The following CFAP43 variants were observed in gnomAD, a reference collection of about 807,000 sequenced individuals.
CFAP43 encodes the protein cilia and flagella associated protein 43, also known as cilia- and flagella-associated protein 43.
A neutral mutation model predicts 218.9 loss-of-function variants in CFAP43; 155 were observed. That is an observed-to-expected ratio of 0.71 (90% CI 0.62 to 0.81). The LOEUF is 0.81. CFAP43 is among the 30% of genes least tolerant of loss of function. CFAP43 has a pLI of 0.00. For missense variants in CFAP43, 1,778 were observed against 1,954.3 expected, an observed-to-expected ratio of 0.91 and a Z score of 1.70; for synonymous variants, 645 against 681.3, an observed-to-expected ratio of 0.95 and a Z score of 0.83.
intron 6 of CFAP43, among the ~76,000 whole-genome samples, chr10:104,206,798 C>T (rs2090704416): frequency 2.0e-5 from 3 of 152,176 alleles, no homozygotes; most frequent in South Asian, 4.1e-4. Flanking sequence ...GTGGCCCAGG[C>T]CCAACCATGG....
chr10:104,185,023 T>A lies in CFAP43; in HGVS notation c.2134A>T (p.Lys712Ter). The change falls in exon 16 of 38, where the codon AAG becomes TAG. Residue 712 changes from lysine (K) to a stop codon, truncating the protein, a stop_gained. Transcript: ENST00000357060. LOFTEE classifies it high-confidence loss of function. ...GRDDGTLVYL[K>*]WKRFGGHLAS... is the part of the protein sequence containing the mutation. ...ACTGAATACTGTACGTACTTCCACT[T>A]TAGGTAGACAAGGGTGCCATCATCT... 1.2e-6 allele frequency: 2 copies of A among 1,614,062 alleles called. No individual in the cohort carries two copies. The highest frequency in any genetic ancestry group is 1.7e-6 in the Non-Finnish European group (2 of 1,179,976).
At chr10:104,130,558 A>G (rs2087133060) in intron 37 of CFAP43, among the ~76,000 whole-genome samples, 1 of 152,228 alleles carries the variant, frequency 6.6e-6, no homozygotes, top group South Asian at 2.1e-4. Context: ...AAAGAATGAA[A>G]TAATGTCCTT....
chr10:104,143,491 A>C lies in CFAP43; in HGVS notation c.4093T>G (p.Leu1365Val). 1.2e-6 allele frequency: 2 copies of C among 1,614,200 alleles called. No homozygotes were observed. The highest frequency in any genetic ancestry group is 1.7e-6 in the Non-Finnish European group (2 of 1,180,030). The change falls in exon 32 of 38, where the codon TTG (leucine) becomes GTG (valine). Residue 1365 changes from leucine (L) to valine (V), a missense_variant. Transcript: ENST00000357060. ...LDNISNMPEG[L>V]DPLVWNHFCM... ...AAATGATTCCAGACCAAAGGGTCCA[A>C]GCCTTCTGGCATGTTACTAATATTG...
In CFAP43 at chr10:104,168,839, C is replaced by G. The variant is rs757972867; in HGVS notation, c.2596G>C (p.Asp866His). ...TTGGCTAAGTTATGCATCTCTACAT[C>G]CTTTATCATCTTGAAGAACACAGAC... Reference protein sequence around the residue: ...SQEEVAKMIKDVEMHNLAKSY... With the variant: ...SQEEVAKMIKHVEMHNLAKSY... Residue 866 changes from aspartate (D) to histidine (H), a missense_variant, in exon 21 of 38, where the codon GAT becomes CAT. Asp to His is a moderately conservative substitution (Grantham distance 81). Around this residue, in one of 3 missense-constraint regions of CFAP43, gnomAD observed 1,553 missense variants for 1,685.2 expected, o/e 0.92. Transcript: ENST00000357060. The G allele has an allele frequency of 9.9e-6, 16 of 1,610,934 alleles. No individual in the cohort carries two copies. Among genetic ancestry groups the G allele is most frequent in the South Asian group, 3.3e-5 (3 of 91,020 alleles).
chr10:104,133,740 A>T lies in CFAP43; in HGVS notation c.4476T>A (p.Asp1492Glu). ...KKVASMMESK[D>E]VHKRILQIEW... ...CAATCTGAAGTATTCTTTTGTGTAC[A>T]TCTTTACTTTCCATCATGCTAGCAA... The change falls in exon 35 of 38, where the codon GAT becomes GAA. Residue 1492 changes from aspartate to glutamate, a missense_variant. By Grantham distance (45) the Asp-to-Glu change is conservative. Transcript: ENST00000357060. 2 of 1,612,574 alleles carry T rather than the reference A, an allele frequency of 1.2e-6. No homozygotes were observed. The highest frequency in any genetic ancestry group is 1.7e-6 in the Non-Finnish European group (2 of 1,179,536).
intron 3 of CFAP43, among the ~76,000 whole-genome samples, chr10:104,215,136 AAAATAAATAAATAAAT>A (rs34704967): frequency 8.2e-5 from 12 of 146,462 alleles, no homozygotes; most frequent in African/African-American, 2.0e-4. Flanking sequence ...CTCCATCTCA[AAAATAAATAAATAAAT>A]AAATAAATAA....
At chr10:104,132,660 T>C (rs1165828337) in intron 35 of CFAP43, 1 of 985,276 alleles carries the variant, frequency 1.0e-6, no homozygotes, top group East Asian at 1.1e-4. Flanking sequence ...CCATAATATT[T>C]CCCTGTATTT....
intron 33 of CFAP43, among the ~76,000 whole-genome samples, chr10:104,141,448 C>T (rs987080335): frequency 6.6e-6 from 1 of 152,034 alleles, no homozygotes; most frequent in Non-Finnish European, 1.5e-5. Flanking sequence ...CCCATCTCTA[C>T]TAACAATACA....
intron 27 of CFAP43, among the ~76,000 whole-genome samples, chr10:104,159,160 G>A (rs550084994): frequency 8.8e-4 from 133 of 151,978 alleles, no homozygotes; most frequent in Non-Finnish European, 1.0e-4. Flanking sequence ...CATTTTCCAC[G>A]ATACAAGATT....
chr10:104,202,868 T>C (rs1003193367), intron 8 of CFAP43, among the ~76,000 whole-genome samples: 3 of 151,998 alleles, frequency 2.0e-5, no homozygotes, highest in Admixed American at 6.6e-5. Flanking sequence ...AACAAAAGTC[T>C]TTCCATACTT....
At chr10:104,193,730 T>C in intron 11 of CFAP43, 136 bp downstream of exon 11, 1 of 1,225,874 alleles carries the variant, frequency 8.2e-7, no homozygotes, top group Non-Finnish European at 1.1e-6. Context: ...TTTTGAGTGT[T>C]GAACTGTGTG....
intron 10 of CFAP43, among the ~76,000 whole-genome samples, chr10:104,194,831 C>T (rs1274224899): frequency 6.6e-6 from 1 of 152,098 alleles, no homozygotes; most frequent in Non-Finnish European, 1.5e-5. Context: ...AAACACAGGC[C>T]AAGGAAGTCC....
At chr10:104,207,181 C>T (rs867348018) in intron 6 of CFAP43, among the ~76,000 whole-genome samples, 1 of 148,404 alleles carries the variant, frequency 6.7e-6, no homozygotes, top group Non-Finnish European at 1.5e-5. Context: ...TAAAAAAAAA[C>T]CAAAAAAACA....
chr10:104,131,190 CTAAAA>C (rs1340643218), intron 37 of CFAP43, 136 bp downstream of exon 37: 2 of 1,076,076 alleles, frequency 1.9e-6, no homozygotes, highest in African/African-American at 3.2e-5. Context: ...CTCCCTGAAT[CTAAAA>C]TAAAAGTTGA....
intron 1 of CFAP43, among the ~76,000 whole-genome samples, chr10:104,231,935 G>A (rs1218499749): frequency 6.6e-6 from 1 of 151,912 alleles, no homozygotes; most frequent in Non-Finnish European, 1.5e-5. Flanking sequence ...GAGACGGAGG[G>A]TCAGGGTCGC....
At chr10:104,193,672 G>A in intron 11 of CFAP43, 194 bp downstream of exon 11, 1 of 643,956 alleles carries the variant, frequency 1.6e-6, no homozygotes. Context: ...CTGCCTGCAA[G>A]GACAGACCTG....
At chr10:104,223,024 T>C (rs951197192) in intron 3 of CFAP43, among the ~76,000 whole-genome samples, 1 of 152,348 alleles carries the variant, frequency 6.6e-6, no homozygotes, top group East Asian at 1.9e-4. Context: ...TCTGCCATCA[T>C]AGAGCAAAAG....
chr10:104,173,549 T>C (rs2089496494), intron 19 of CFAP43, among the ~76,000 whole-genome samples: 1 of 152,208 alleles, frequency 6.6e-6, no homozygotes, highest in African/African-American at 2.4e-5. Flanking sequence ...GGTCCAGCAG[T>C]AGTAACTGGA....
At chr10:104,211,943 A>G in intron 5 of CFAP43, 64 bp downstream of exon 5, 1 of 1,539,828 alleles carries the variant, frequency 6.5e-7, no homozygotes, top group South Asian at 1.2e-5. Flanking sequence ...ATGCCAATCA[A>G]ATGAGATCAG....
Sources: allele counts gnomAD v4.1 joint callset (sites outside exome capture counted in the v4.1 genomes callset), GRCh38; gene constraint gnomAD v4.1.1; regional missense constraint gnomAD v4.1.1; transcripts MANE v1.5; gene names NCBI Gene and HGNC (gene_info 2026-07-23, HGNC 2026-07-21).